The following IMMP2L variants were observed in gnomAD, a reference collection of about 807,000 sequenced individuals.
IMMP2L encodes the protein inner mitochondrial membrane peptidase subunit 2.
In IMMP2L, 18 loss-of-function variants were observed where a neutral mutation model predicts 19.3. That is an observed-to-expected ratio of 0.93 (90% CI 0.64 to 1.38). The LOEUF (loss-of-function observed/expected upper bound fraction) is 1.38. Ranked by LOEUF, IMMP2L falls within the 40% of genes most tolerant of loss-of-function variation. IMMP2L has a pLI of 0.00. For missense variants in IMMP2L, 233 were observed against 218.2 expected (o/e 1.07, Z -0.43); for synonymous variants, 76 against 73.0 (o/e 1.04, Z -0.21).
chr7:111,090,473 G>A (rs1195704881), intron 3 of IMMP2L, among the ~76,000 whole-genome samples: 1 of 151,960 alleles, frequency 6.6e-6, no homozygotes, highest in Non-Finnish European at 1.5e-5. Flanking sequence ...ATCATATAAA[G>A]AGAAGTCAGT....
chr7:111,428,343 G>T (rs1388890003), intron 3 of IMMP2L, among the ~76,000 whole-genome samples: 1 of 151,616 alleles, frequency 6.6e-6, no homozygotes, highest in Non-Finnish European at 1.5e-5. Context: ...GAAATAGGGG[G>T]TTTCAATTGT....
intron 4 of IMMP2L, among the ~76,000 whole-genome samples, chr7:110,898,669 G>A (rs556921939): frequency 6.6e-6 from 1 of 152,236 alleles, no homozygotes; most frequent in African/African-American, 2.4e-5. Flanking sequence ...CCATCTGTGA[G>A]TAAAATTACA....
intron 3 of IMMP2L, among the ~76,000 whole-genome samples, chr7:111,051,454 T>C (rs1354444167): frequency 6.6e-6 from 1 of 152,192 alleles, no homozygotes; most frequent in Non-Finnish European, 1.5e-5. Context: ...AAGAGTCACA[T>C]CTATTCTTAT....
At chr7:111,416,848 C>T (rs1834999643) in intron 3 of IMMP2L, among the ~76,000 whole-genome samples, 1 of 151,350 alleles carries the variant, frequency 6.6e-6, no homozygotes, top group African/African-American at 2.4e-5. Flanking sequence ...AAACAACATC[C>T]AAAGTTAAGC....
At chr7:110,732,816 G>C (rs1480190198) in intron 5 of IMMP2L, among the ~76,000 whole-genome samples, 1 of 150,974 alleles carries the variant, frequency 6.6e-6, no homozygotes, top group Non-Finnish European at 1.5e-5. Context: ...TTGAGATAGG[G>C]TCTCTGTCAC....
Position 111,167,785 on chromosome 7 carries a change from G to C in IMMP2L, c.240-204220C>G, listed in dbSNP as rs115283672. ...CTGTTGTGTTTACTCGGAATCCTCAGTAAAATAATGTTGAAAGAAAGAATG... is the reference window on the plus strand; with the variant it reads ...CTGTTGTGTTTACTCGGAATCCTCACTAAAATAATGTTGAAAGAAAGAATG... On this transcript the variant is annotated intron_variant, in intron 3 of 5. Coordinates refer to ENST00000405709, the MANE Select transcript of IMMP2L (RefSeq NM_032549.4). Among the ~76,000 whole-genome samples the C allele has an allele frequency of 5.5e-3, 838 of 151,970 alleles. 12 individuals are homozygous for C. The highest frequency in any genetic ancestry group is 0.019 in the African/African-American group (781 of 41,510).
intron 4 of IMMP2L, among the ~76,000 whole-genome samples, chr7:110,907,370 G>A (rs1486639725): frequency 1.3e-5 from 2 of 152,146 alleles, no homozygotes; most frequent in Non-Finnish European, 2.9e-5. Context: ...ACTCCTCTCT[G>A]AAGCTATGCC....
chr7:111,551,836 G>A (rs976142388), intron 1 of IMMP2L, among the ~76,000 whole-genome samples: 1 of 152,076 alleles, frequency 6.6e-6, no homozygotes, highest in African/African-American at 2.4e-5. Flanking sequence ...GGTGATAAAA[G>A]ACACTGAATA....
intron 3 of IMMP2L, among the ~76,000 whole-genome samples, chr7:111,400,264 CT>C (rs978167148): frequency 6.6e-6 from 1 of 152,154 alleles, no homozygotes; most frequent in African/African-American, 2.4e-5. Context: ...GACTACAAGA[CT>C]TTTAATTCCT....
chr7:111,445,403 T>C lies in IMMP2L; in HGVS notation c.239+41835A>G, dbSNP rs183105600. 5.8e-4 allele frequency among the ~76,000 whole-genome samples: 88 copies of C among 151,160 alleles called. 1 individual carries two copies. Among genetic ancestry groups the C allele is most frequent in the African/African-American group, 2.0e-3 (83 of 41,158 alleles). On this transcript the variant is annotated intron_variant, in intron 3 of 5. Coordinates refer to ENST00000405709, the MANE Select transcript of IMMP2L (RefSeq NM_032549.4). Reference sequence around the variant, plus strand: ...CTTTCCTAGAAGAATGAAAAAAAAATAGACACAAACATACATACATACATA... The same window carrying C: ...CTTTCCTAGAAGAATGAAAAAAAAACAGACACAAACATACATACATACATA...
intron 3 of IMMP2L, among the ~76,000 whole-genome samples, chr7:111,196,139 G>T (rs968343048): frequency 6.6e-6 from 1 of 152,114 alleles, no homozygotes; most frequent in Non-Finnish European, 1.5e-5. Flanking sequence ...CTCCCAAAGT[G>T]CTGGGATTAT....
chr7:111,371,566 GA>G (rs1338793810), intron 3 of IMMP2L, among the ~76,000 whole-genome samples: 1 of 152,016 alleles, frequency 6.6e-6, no homozygotes, highest in Admixed American at 6.6e-5. Flanking sequence ...AAGTTTCTAA[GA>G]AAGACATGCA....
intron 4 of IMMP2L, among the ~76,000 whole-genome samples, chr7:110,931,229 A>C (rs1217770298): frequency 6.6e-6 from 1 of 152,212 alleles, no homozygotes; most frequent in Non-Finnish European, 1.5e-5. Context: ...GGAGAGAATC[A>C]GAGATTTCCC....
intron 3 of IMMP2L, among the ~76,000 whole-genome samples, chr7:111,232,888 C>T (rs982192269): frequency 6.6e-6 from 1 of 152,096 alleles, no homozygotes; most frequent in Non-Finnish European, 1.5e-5. Flanking sequence ...TCTGCAATCC[C>T]CTTCTCAGAG....
intron 2 of IMMP2L, among the ~76,000 whole-genome samples, chr7:111,519,542 T>G (rs1846159153): frequency 6.6e-6 from 1 of 152,134 alleles, no homozygotes; most frequent in Admixed American, 6.6e-5. Flanking sequence ...GTTTAATCCA[T>G]GAACCGACAT....
At chr7:111,545,648 A>C (rs1035957901) in intron 1 of IMMP2L, among the ~76,000 whole-genome samples, 5 of 152,144 alleles carry the variant, frequency 3.3e-5, no homozygotes, top group African/African-American at 1.2e-4. Flanking sequence ...AGCCTCTCAA[A>C]TTATATACTG....
chr7:110,704,507 T>C (rs1436818448), intron 5 of IMMP2L, among the ~76,000 whole-genome samples: 1 of 152,244 alleles, frequency 6.6e-6, no homozygotes, highest in Non-Finnish European at 1.5e-5. Context: ...TGGTGAATTC[T>C]GCATCAAGGA....
At chr7:111,183,345 A>G (rs1273209766) in intron 3 of IMMP2L, among the ~76,000 whole-genome samples, 1 of 152,144 alleles carries the variant, frequency 6.6e-6, no homozygotes, top group Non-Finnish European at 1.5e-5. Context: ...TCTGATTACA[A>G]AACAAAAATA....
chr7:111,401,114 G>A (rs1833386722), intron 3 of IMMP2L, among the ~76,000 whole-genome samples: 1 of 152,090 alleles, frequency 6.6e-6, no homozygotes, highest in African/African-American at 2.4e-5. Flanking sequence ...AGCATGTGGT[G>A]AGATTGTTTA....
Sources: allele counts gnomAD v4.1 joint callset (sites outside exome capture counted in the v4.1 genomes callset), GRCh38; gene constraint gnomAD v4.1.1; transcripts MANE v1.5; gene names NCBI Gene and HGNC (gene_info 2026-07-23, HGNC 2026-07-21).